The following METTL15 variants were observed in gnomAD, a reference collection of about 807,000 sequenced individuals.
The protein encoded by METTL15 is methyltransferase 15, mitochondrial 12S rRNA N4-cytidine, also known as 12S rRNA N(4)-cytidine methyltransferase METTL15.
Under a neutral mutation model 38.3 loss-of-function variants are expected in METTL15, and 34 were observed. The ratio of observed to expected loss-of-function variants is 0.89; its 90% CI spans 0.68 to 1.18. METTL15 has a LOEUF of 1.18. METTL15 is among the 50% of genes most tolerant of loss of function. The pLI is 0.00. For synonymous variants in METTL15, 162 were observed against 170.9 expected, an observed-to-expected ratio of 0.95 and a Z score of 0.41; for missense variants, 438 against 498.4, an observed-to-expected ratio of 0.88 and a Z score of 1.15.
At chr11:28,137,478 G>T (rs1341315958) in intron 3 of METTL15, among the ~76,000 whole-genome samples, 1 of 152,104 alleles carries the variant, frequency 6.6e-6, no homozygotes, top group African/African-American at 2.4e-5. Context: ...TAGTGTAAAG[G>T]CTGGCAAGTT....
intron 3 of METTL15, chr11:28,122,249 A>G (rs1285069940): frequency 4.6e-6 from 5 of 1,086,004 alleles, no homozygotes; most frequent in Non-Finnish European, 6.0e-6. Context: ...CTTTGTTCAT[A>G]TCATGTTATA....
rs930610622 is a variant in METTL15 at position 28,428,157 on chromosome 11, A to G, written c.*424+3793A>G. 1.1e-4 allele frequency among the ~76,000 whole-genome samples: 17 copies of G among 152,222 alleles called. 1 individual carries two copies. The highest frequency in any genetic ancestry group is 3.9e-4 in the African/African-American group (16 of 41,466). Reference sequence around the variant, plus strand: ...TACAAACGTTGTAGAGTGTACTTACACAAACCTAGATAGTATAGCCTACTA... The same window carrying G: ...TACAAACGTTGTAGAGTGTACTTACGCAAACCTAGATAGTATAGCCTACTA... On this transcript the variant is annotated intron_variant and NMD_transcript_variant, in intron 6 of 7. Coordinates refer to the METTL15 transcript ENST00000532947.
At chr11:28,346,472 A>G (rs911036943) in intron 3 of METTL15, among the ~76,000 whole-genome samples, 2 of 152,214 alleles carry the variant, frequency 1.3e-5, no homozygotes, top group African/African-American at 4.8e-5. Flanking sequence ...CACTTGATAG[A>G]GAAGGAAGAT....
In METTL15 at chr11:28,287,371, G is replaced by A. The variant is rs11030270; in HGVS notation, c.408-2835G>A. 1.2e-5 allele frequency: 4 copies of A among 326,824 alleles called. No individual in the cohort carries two copies. The East Asian group carries it at 4.0e-4, about 32-fold the overall frequency. 20.2% of individuals were successfully genotyped at this position (326,824 alleles called of 1,614,324 possible). On this transcript the variant is annotated intron_variant, in intron 4 of 6. Coordinates refer to ENST00000407364, the MANE Select transcript of METTL15 (RefSeq NM_001113528.2). ...AACAGATTATTCTGCCATTTTTCTAGATCTTTGAGTTGTACATCAAATCTG... is the reference window on the plus strand; with the variant it reads ...AACAGATTATTCTGCCATTTTTCTAAATCTTTGAGTTGTACATCAAATCTG...
chr11:28,486,633 G>T (rs1440187639), intron 6 of METTL15, among the ~76,000 whole-genome samples: 1 of 152,136 alleles, frequency 6.6e-6, no homozygotes, highest in East Asian at 1.9e-4. Flanking sequence ...CTATGTGGTT[G>T]CCCAGAAGTA....
chr11:28,312,085 A>C (rs1297887707), intron 6 of METTL15, among the ~76,000 whole-genome samples: 2 of 152,194 alleles, frequency 1.3e-5, no homozygotes, highest in East Asian at 3.9e-4. Context: ...TTTCTTCATC[A>C]CATTGAAGAA....
At chr11:28,373,553 C>G (rs1381891312) in intron 5 of METTL15, among the ~76,000 whole-genome samples, 3 of 152,032 alleles carry the variant, frequency 2.0e-5, no homozygotes, top group African/African-American at 4.8e-5. Context: ...AAAATTTTCT[C>G]CCATTTTGTA....
chr11:28,330,313 C>A, intron 6 of METTL15, 83 bp from the exon 7 acceptor site: 3 of 1,260,356 alleles, frequency 2.4e-6, no homozygotes, highest in Non-Finnish European at 3.2e-6. Flanking sequence ...AATATGCACA[C>A]AACTACACAA....
chr11:28,215,848 A>G (rs1178637410), intron 4 of METTL15, among the ~76,000 whole-genome samples: 1 of 152,128 alleles, frequency 6.6e-6, no homozygotes. Flanking sequence ...AGTCCTGGCA[A>G]CATAGTGAGA....
intron 5 of METTL15, among the ~76,000 whole-genome samples, chr11:28,390,621 G>C (rs908665198): frequency 1.3e-5 from 2 of 152,142 alleles, no homozygotes; most frequent in African/African-American, 4.8e-5. Flanking sequence ...AGGCTGTTTT[G>C]GTTACTGTAG....
intron 5 of METTL15, among the ~76,000 whole-genome samples, chr11:28,421,986 T>C (rs1850824888): frequency 6.6e-6 from 1 of 152,024 alleles, no homozygotes; most frequent in African/African-American, 2.4e-5. Context: ...ACACATTCAG[T>C]AAAGTTGCAG....
intron 5 of METTL15, among the ~76,000 whole-genome samples, chr11:28,407,831 A>T (rs572923825): frequency 6.6e-6 from 1 of 152,326 alleles, no homozygotes; most frequent in South Asian, 2.1e-4. Flanking sequence ...AATATAAATC[A>T]TTCTATTATA....
At position 28,341,093 on chromosome 11, in the gene METTL15, TCTCA is replaced by T. The variant is rs559149683; in HGVS notation, c.*190-10992_*190-10989del. 1.2e-3 allele frequency among the ~76,000 whole-genome samples: 185 copies of T among 152,208 alleles called. 1 individual carries two copies. Among genetic ancestry groups the T allele is most frequent in the African/African-American group, 4.3e-3 (177 of 41,524 alleles). ...GAACAGAAAACCAAACACCACATGTTCTCACTCATAAGTGGGAGTTGAACAGTGA... is the reference window on the plus strand; with the variant it reads ...GAACAGAAAACCAAACACCACATGTTCTCATAAGTGGGAGTTGAACAGTGA... On this transcript the variant is annotated intron_variant and NMD_transcript_variant, in intron 3 of 7. Transcript: ENST00000532947.
intron 5 of METTL15, among the ~76,000 whole-genome samples, chr11:28,291,767 C>T (rs1460409648): frequency 6.6e-6 from 1 of 151,736 alleles, no homozygotes; most frequent in Admixed American, 6.6e-5. Context: ...AATAAAACAT[C>T]AAGCCAATTT....
At chr11:28,430,321 A>T (rs1590371764) in intron 6 of METTL15, among the ~76,000 whole-genome samples, 2 of 94,804 alleles carry the variant, frequency 2.1e-5, no homozygotes, top group South Asian at 4.1e-4. Flanking sequence ...TCCGGGAGGG[A>T]GGTGAGGGGG....
intron 3 of METTL15, among the ~76,000 whole-genome samples, chr11:28,124,281 C>T (rs1421544233): frequency 2.6e-5 from 4 of 152,104 alleles, no homozygotes; most frequent in African/African-American, 9.7e-5. Flanking sequence ...TCCCTTAGGA[C>T]AGCTATTTGG....
At chr11:28,418,956 G>C (rs1257430181) in intron 5 of METTL15, among the ~76,000 whole-genome samples, 1 of 152,136 alleles carries the variant, frequency 6.6e-6, no homozygotes, top group African/African-American at 2.4e-5. Context: ...AAAGTGTTCT[G>C]GGGGGTTCTA....
intron 3 of METTL15, 75 bp downstream of exon 3, chr11:28,113,679 G>C: frequency 6.6e-7 from 1 of 1,505,872 alleles, no homozygotes; most frequent in South Asian, 1.3e-5. Flanking sequence ...ATTATTTTAA[G>C]GTATACAATT....
chr11:28,301,775 G>A (rs1856921228), intron 6 of METTL15, among the ~76,000 whole-genome samples: 1 of 152,094 alleles, frequency 6.6e-6, no homozygotes, highest in African/African-American at 2.4e-5. Context: ...TTTTTGGACA[G>A]TATTGTTCTA....
Sources: gnomAD v4.1 joint callset for allele counts (sites outside exome capture counted in the v4.1 genomes callset) on GRCh38, gnomAD v4.1.1 for gene constraint, MANE v1.5 for transcripts, NCBI Gene and HGNC (gene_info 2026-07-23, HGNC 2026-07-21) for gene names.